KLF12: variants seen among roughly 807,000 people sequenced by gnomAD.
KLF12 encodes KLF transcription factor 12.
A neutral mutation model predicts 37.8 loss-of-function variants in KLF12; 9 were observed. That is an observed-to-expected ratio of 0.24 (90% CI 0.14 to 0.42). KLF12 has a LOEUF of 0.42. KLF12 is among the 10% of genes least tolerant of loss of function. The pLI is 1.00. For missense variants in KLF12, 411 were observed against 516.0 expected (o/e 0.80, Z 1.97); for synonymous variants, 208 against 202.1 (o/e 1.03, Z -0.25).
chr13:73,929,747 C>T (rs963313329), intron 3 of KLF12, among the ~76,000 whole-genome samples: 1 of 152,120 alleles, frequency 6.6e-6, no homozygotes, highest in Non-Finnish European at 1.5e-5. Context: ...GCCACAACGC[C>T]GTTAAGTCCT....
the KLF12 span, among the ~76,000 whole-genome samples, chr13:74,170,345 C>A: frequency 6.6e-6 from 1 of 152,154 alleles, no homozygotes; most frequent in Non-Finnish European, 1.5e-5. Flanking sequence ...TAATAGCTTA[C>A]AATTTATAAA....
At chr13:74,112,384 T>TTGTGTG (rs67487546) in intron 1 of KLF12, among the ~76,000 whole-genome samples, 7,547 of 145,156 alleles carry the variant, frequency 0.052, 321 homozygotes, top group East Asian at 0.15. Flanking sequence ...TTTGCAGATA[T>TTGTGTG]TGTCTGTGTG....
At chr13:73,994,291 A>G (rs1292305779) in intron 2 of KLF12, among the ~76,000 whole-genome samples, 1 of 152,212 alleles carries the variant, frequency 6.6e-6, no homozygotes, top group African/African-American at 2.4e-5. Flanking sequence ...ATGCTTCTGT[A>G]TGAGACCTGT....
chr13:73,753,810 T>A (rs1227737404), intron 6 of KLF12, among the ~76,000 whole-genome samples: 2 of 152,120 alleles, frequency 1.3e-5, no homozygotes, highest in Non-Finnish European at 2.9e-5. Context: ...AAGGCCCACA[T>A]GGAAGCTAGG....
intron 1 of KLF12, among the ~76,000 whole-genome samples, chr13:74,076,081 T>C (rs983010897): frequency 4.6e-5 from 7 of 152,180 alleles, no homozygotes; most frequent in Non-Finnish European, 1.0e-4. Context: ...GTGGTGATGG[T>C]TGCACAACTC....
At chr13:73,808,098 T>C (rs1882741772) in intron 5 of KLF12, among the ~76,000 whole-genome samples, 1 of 152,204 alleles carries the variant, frequency 6.6e-6, no homozygotes, top group African/African-American at 2.4e-5. Flanking sequence ...TCTTATCATG[T>C]GCCTTTACCT....
At chr13:73,775,635 G>C (rs1880563909) in intron 5 of KLF12, among the ~76,000 whole-genome samples, 1 of 152,164 alleles carries the variant, frequency 6.6e-6, no homozygotes, top group Non-Finnish European at 1.5e-5. Flanking sequence ...AGTTGTTAGA[G>C]TGGATTGAGT....
chr13:74,100,994 A>T (rs958696524), intron 1 of KLF12, among the ~76,000 whole-genome samples: 1 of 152,156 alleles, frequency 6.6e-6, no homozygotes, highest in African/African-American at 2.4e-5. Flanking sequence ...TTAATCACCA[A>T]AGAAGAATCT....
chr13:74,185,618 T>A, the KLF12 span, among the ~76,000 whole-genome samples: 1 of 152,094 alleles, frequency 6.6e-6, no homozygotes, highest in Non-Finnish European at 1.5e-5. Context: ...GGTGTCAACA[T>A]TGGCCAGATT....
chr13:73,788,275 C>T (rs886712202), intron 5 of KLF12, among the ~76,000 whole-genome samples: 6 of 152,190 alleles, frequency 3.9e-5, no homozygotes, highest in African/African-American at 9.6e-5. Flanking sequence ...ATTTTAAATC[C>T]GTTTCAAAGC....
At chr13:74,237,501 G>T in the KLF12 span, among the ~76,000 whole-genome samples, 1 of 143,328 alleles carries the variant, frequency 7.0e-6, no homozygotes, top group African/African-American at 2.9e-5. Context: ...AGCTTGACGG[G>T]GATGGCATTG....
rs191327264 is a variant in KLF12, at chr13:73,883,189, C to T, written c.124-36816G>A. ...TAAAAGATCATGCATTACTGTACATCCTTTTATTAAAAAGCAACTTCAATG... is the reference window on the plus strand; with the variant it reads ...TAAAAGATCATGCATTACTGTACATTCTTTTATTAAAAAGCAACTTCAATG... On this transcript the variant is annotated intron_variant, in intron 3 of 7. Transcript: ENST00000377669. Among the ~76,000 whole-genome samples the T allele has an allele frequency of 3.8e-4, 58 of 152,108 alleles. 1 individual carries two copies. The East Asian group carries it at 7.9e-3, about 21-fold the overall frequency.
chr13:73,815,575 A>C (rs910941163), intron 4 of KLF12, among the ~76,000 whole-genome samples: 2 of 152,228 alleles, frequency 1.3e-5, no homozygotes, highest in African/African-American at 4.8e-5. Flanking sequence ...AAAGCCAGCC[A>C]AGAAAATGAA....
intron 2 of KLF12, among the ~76,000 whole-genome samples, chr13:73,984,506 T>C (rs183262618): frequency 6.6e-6 from 1 of 152,310 alleles, no homozygotes; most frequent in East Asian, 1.9e-4. Flanking sequence ...TGAGGGTCTA[T>C]GTGGACTGGC....
At chr13:74,177,139 T>A in the KLF12 span, among the ~76,000 whole-genome samples, 1 of 152,186 alleles carries the variant, frequency 6.6e-6, no homozygotes, top group Non-Finnish European at 1.5e-5. Context: ...AATACATTTT[T>A]AGTAACTTTT....
At chr13:74,213,630 C>G in the KLF12 span, among the ~76,000 whole-genome samples, 3 of 149,902 alleles carry the variant, frequency 2.0e-5, no homozygotes, top group Admixed American at 1.3e-4. Flanking sequence ...TCCCTCCCTC[C>G]CTTCTTTCCT....
chr13:74,121,200 T>C (rs1234767013), intron 1 of KLF12, among the ~76,000 whole-genome samples: 1 of 152,072 alleles, frequency 6.6e-6, no homozygotes, highest in African/African-American at 2.4e-5. Flanking sequence ...AATTCACAAC[T>C]GTACTTCAAT....
chr13:74,297,172 G>A, the KLF12 span, among the ~76,000 whole-genome samples: 607 of 152,230 alleles, frequency 4.0e-3, 3 homozygotes, highest in Non-Finnish European at 6.8e-3. Context: ...AACCTATTGA[G>A]AGCTAGAATA....
intron 5 of KLF12, among the ~76,000 whole-genome samples, chr13:73,787,904 A>T (rs537779058): frequency 3.3e-5 from 5 of 152,188 alleles, no homozygotes; most frequent in Non-Finnish European, 5.9e-5. Flanking sequence ...GAAATAACCA[A>T]ATCTAAAAGG....
Sources: allele counts gnomAD v4.1 joint callset (sites outside exome capture counted in the v4.1 genomes callset), GRCh38; gene constraint gnomAD v4.1.1; transcripts MANE v1.5; gene names NCBI Gene and HGNC (gene_info 2026-07-23, HGNC 2026-07-21).